DOCK2: variants seen among roughly 807,000 people sequenced by gnomAD.
DOCK2 encodes dedicator of cytokinesis protein 2.
DOCK2 carries 87 observed loss-of-function variants against 248.9 expected under a neutral mutation model. That is an observed-to-expected ratio of 0.35 (90% CI 0.29 to 0.42). The LOEUF is 0.42. Among genes scored for constraint, DOCK2 ranks in the 10% least tolerant of loss-of-function variants. The pLI, the probability that DOCK2 is intolerant of heterozygous loss-of-function variation, is 1.00. For synonymous variants in DOCK2, 805 were observed against 821.6 expected (o/e 0.98, Z 0.35); for missense variants, 1,747 against 2,300.2 (o/e 0.76, Z 4.92).
chr5:170,027,774 C>T, intron 33 of DOCK2, 89 bp from the exon 34 acceptor site: 1 of 1,261,686 alleles, frequency 7.9e-7, no homozygotes, highest in East Asian at 2.4e-5. Context: ...AAGAGTGCTC[C>T]CTAAAGCTTT....
intron 27 of DOCK2, among the ~76,000 whole-genome samples, chr5:169,868,062 G>C (rs1309528444): frequency 6.6e-6 from 1 of 152,144 alleles, no homozygotes; most frequent in African/African-American, 2.4e-5. Context: ...GTACCAGATA[G>C]AGCCAAAGAG....
chr5:170,080,657 A>C (rs1228521841), intron 50 of DOCK2: 4 of 211,800 alleles, frequency 1.9e-5, no homozygotes, highest in Non-Finnish European at 2.9e-5. Context: ...GACCTGGAAG[A>C]CTCTTTCTGG....
chr5:170,018,137 G>A (rs1755598683), intron 32 of DOCK2, among the ~76,000 whole-genome samples: 1 of 152,122 alleles, frequency 6.6e-6, no homozygotes, highest in Admixed American at 6.5e-5. Flanking sequence ...ACATATAAAG[G>A]CAGTGCAAGG....
intron 30 of DOCK2, among the ~76,000 whole-genome samples, chr5:169,996,909 G>A (rs1754657840): frequency 6.6e-6 from 1 of 152,196 alleles, no homozygotes; most frequent in East Asian, 1.9e-4. Context: ...ACCTGTGGGT[G>A]TTTCTCGTAA....
intron 27 of DOCK2, among the ~76,000 whole-genome samples, chr5:169,901,773 A>G (rs1291680809): frequency 6.6e-6 from 1 of 152,222 alleles, no homozygotes; most frequent in Non-Finnish European, 1.5e-5. Flanking sequence ...GATGGCTTCT[A>G]ATAGGCTTTC....
intron 23 of DOCK2, 56 bp from the exon 24 acceptor site, chr5:169,759,649 C>T (rs1764371713): frequency 1.3e-6 from 2 of 1,592,904 alleles, no homozygotes; most frequent in Non-Finnish European, 1.7e-6. Flanking sequence ...ACCCTCTTTG[C>T]CAGCACAGAC....
chr5:169,851,141 C>T (rs531606832), intron 27 of DOCK2, among the ~76,000 whole-genome samples: 1 of 152,254 alleles, frequency 6.6e-6, no homozygotes, highest in South Asian at 2.1e-4. Context: ...CAAGCTATGG[C>T]AGTAAATTAA....
At chr5:169,686,285 A>T (rs899182167) in intron 8 of DOCK2, among the ~76,000 whole-genome samples, 1 of 152,288 alleles carries the variant, frequency 6.6e-6, no homozygotes. Flanking sequence ...CACATTGACA[A>T]GGGAGTGTGG....
intron 27 of DOCK2, among the ~76,000 whole-genome samples, chr5:169,982,035 A>G (rs180736991): frequency 1.3e-4 from 19 of 150,584 alleles, no homozygotes; most frequent in African/African-American, 3.7e-4. Flanking sequence ...GAACTTTTTT[A>G]TATAAAAAAG....
intron 26 of DOCK2, among the ~76,000 whole-genome samples, chr5:169,814,093 G>T (rs1767917388): frequency 6.6e-6 from 1 of 152,214 alleles, no homozygotes; most frequent in Non-Finnish European, 1.5e-5. Flanking sequence ...CAGGATATTT[G>T]CATAATCTCA....
chr5:169,807,833 C>CAAAAAAAAAAAAAAAAAAAAAA lies in DOCK2; in HGVS notation c.2703+4632_2703+4653dup, dbSNP rs61670398. On this transcript the variant is annotated intron_variant, in intron 26 of 51. Coordinates refer to ENST00000520908, the MANE Select transcript of DOCK2 (RefSeq NM_004946.3). ...TGGGAGACAGAGCAAGACTCTGTCT[C>CAAAAAAAAAAAAAAAAAAAAAA]AAAAAAAAAAAAAAAAAAAAAAAAA... 1.4e-3 allele frequency among the ~76,000 whole-genome samples: 33 copies of CAAAAAAAAAAAAAAAAAAAAAA among 24,230 alleles called. 4 individuals are homozygous for CAAAAAAAAAAAAAAAAAAAAAA. Among genetic ancestry groups the CAAAAAAAAAAAAAAAAAAAAAA allele is most frequent in the Non-Finnish European group, 2.7e-3 (23 of 8,606 alleles). The allele number at this position is 24,230 out of a possible 152,430, so 15.9% of individuals were successfully genotyped here.
intron 30 of DOCK2, among the ~76,000 whole-genome samples, chr5:169,997,540 C>T (rs1382265087): frequency 4.5e-5 from 6 of 134,604 alleles, no homozygotes; most frequent in East Asian, 2.1e-4. Flanking sequence ...GAGGTCCCTG[C>T]GGCCTTCCGC....
intron 26 of DOCK2, among the ~76,000 whole-genome samples, chr5:169,817,468 C>A (rs539086119): frequency 3.4e-4 from 52 of 152,200 alleles, no homozygotes; most frequent in Middle Eastern, 3.2e-3. Context: ...TAACTTCGGA[C>A]CTTATTTCCC....
At chr5:170,052,598 T>TAA (rs1756958376) in intron 41 of DOCK2, among the ~76,000 whole-genome samples, 1 of 152,208 alleles carries the variant, frequency 6.6e-6, no homozygotes, top group Non-Finnish European at 1.5e-5. Flanking sequence ...GGCAGAGATG[T>TAA]AAAGTGGTTT....
At chr5:169,858,819 T>C (rs947476278) in intron 27 of DOCK2, among the ~76,000 whole-genome samples, 3 of 151,972 alleles carry the variant, frequency 2.0e-5, no homozygotes, top group South Asian at 4.1e-4. Context: ...TTGGACAACA[T>C]AGCAAGGCTC....
chr5:169,708,119 A>T, intron 14 of DOCK2, 50 bp from the exon 15 acceptor site: 1 of 1,592,032 alleles, frequency 6.3e-7, no homozygotes, highest in East Asian at 2.3e-5. Flanking sequence ...ACAAGCACAG[A>T]AAATGACAAT....
chr5:169,902,729 A>G (rs1171398411), intron 27 of DOCK2, among the ~76,000 whole-genome samples: 4 of 152,114 alleles, frequency 2.6e-5, no homozygotes, highest in African/African-American at 9.7e-5. Context: ...TCTGCAGAAA[A>G]TGGGTTGGGT....
rs116986775 is a variant in DOCK2 at position 169,945,257 on chromosome 5, G to A, written c.2800-37811G>A. ...AGGACTGTGTTATCATTCATACAAC[G>A]GGTCAATAATACCATACTAACGCCT... On this transcript the variant is annotated intron_variant, in intron 27 of 51. Coordinates refer to ENST00000520908, the MANE Select transcript of DOCK2 (RefSeq NM_004946.3). Among the ~76,000 whole-genome samples the A allele has an allele frequency of 1.0e-3, 158 of 152,322 alleles. 5 individuals are homozygous for A. The East Asian group carries it at 0.029, about 28-fold the overall frequency.
chr5:169,840,956 G>T, intron 27 of DOCK2, 104 bp downstream of exon 27: 1 of 1,299,278 alleles, frequency 7.7e-7, no homozygotes, highest in Non-Finnish European at 1.1e-6. Flanking sequence ...ATTGATCATT[G>T]CTTTGTTTTG....
Sources: allele counts gnomAD v4.1 joint callset (sites outside exome capture counted in the v4.1 genomes callset), GRCh38; gene constraint gnomAD v4.1.1; transcripts MANE v1.5; gene names NCBI Gene and HGNC (gene_info 2026-07-23, HGNC 2026-07-21).